Variants in PHYKPL observed in about 807,000 individuals in gnomAD.
The protein encoded by PHYKPL is 5-phosphonooxy-L-lysine phospho-lyase.
Under a neutral mutation model 51.3 loss-of-function variants are expected in PHYKPL, and 42 were observed. The ratio of observed to expected loss-of-function variants is 0.82; its 90% CI spans 0.64 to 1.06. The LOEUF (loss-of-function observed/expected upper bound fraction) is 1.06. PHYKPL is among the 50% of genes least tolerant of loss of function. The pLI is 0.00. For synonymous variants in PHYKPL, 264 were observed against 236.0 expected, an observed-to-expected ratio of 1.12 and a Z score of -1.09; for missense variants, 655 against 586.6, an observed-to-expected ratio of 1.12 and a Z score of -1.20.
At chr5:178,209,420 G>A (rs1433815514) in intron 12 of PHYKPL, 2 of 1,614,208 alleles carry the variant, frequency 1.2e-6, no homozygotes, top group African/African-American at 1.3e-5. Context: ...AGGGAACCGA[G>A]GCAGCGGAGG....
intron 12 of PHYKPL, chr5:178,211,127 T>C (rs1399247383): frequency 6.4e-6 from 1 of 157,092 alleles, no homozygotes; most frequent in Non-Finnish European, 1.4e-5. Context: ...ATATTGAAGC[T>C]ATCCAAGCTT....
intron 8 of PHYKPL, chr5:178,215,692 AGAG>A (rs1198889680): frequency 1.1e-5 from 5 of 470,084 alleles, no homozygotes; most frequent in South Asian, 3.1e-5. Flanking sequence ...ATACAGAATC[AGAG>A]GAGAGGGTGT....
At chr5:178,214,349 C>T (rs542562406) in intron 10 of PHYKPL, among the ~76,000 whole-genome samples, 30 of 152,274 alleles carry the variant, frequency 2.0e-4, no homozygotes, top group African/African-American at 7.2e-4. Flanking sequence ...AGCTTAGGAG[C>T]AGGAGTCTTG....
At chr5:178,228,342 A>G in intron 3 of PHYKPL, 2 of 575,358 alleles carry the variant, frequency 3.5e-6, no homozygotes, top group South Asian at 4.4e-5. Flanking sequence ...ATGACAGACC[A>G]CTTCCGGAGA....
At chr5:178,217,181 A>G (rs530868955) in intron 8 of PHYKPL, among the ~76,000 whole-genome samples, 7 of 152,328 alleles carry the variant, frequency 4.6e-5, no homozygotes, top group Non-Finnish European at 1.0e-4. Flanking sequence ...TGAAGTTGAT[A>G]AGCACAATAA....
chr5:178,214,946 C>T, intron 9 of PHYKPL, 61 bp from the exon 10 acceptor site: 3 of 1,518,604 alleles, frequency 2.0e-6, no homozygotes, highest in South Asian at 1.1e-5. Flanking sequence ...GTGCTGGCCT[C>T]AGCCTCTGGG....
Position 178,232,687 on chromosome 5 carries a change from C to T in PHYKPL, c.-137G>A. 3 of 975,562 alleles carry T rather than the reference C, an allele frequency of 3.1e-6. No individual in the cohort carries two copies. Among genetic ancestry groups the T allele is most frequent in the Non-Finnish European group, 4.0e-6 (3 of 758,768 alleles). The allele number at this position is 975,562 out of a possible 1,614,324, so 60.4% of individuals were successfully genotyped here. ...CTCAGGTTCGCACTCGGCCCCGCCCCGAAGCGCCCGCGTTGCGGTGGTTCA... is the reference window on the plus strand; with the variant it reads ...CTCAGGTTCGCACTCGGCCCCGCCCTGAAGCGCCCGCGTTGCGGTGGTTCA... On this transcript the variant is annotated 5_prime_UTR_variant, in exon 1 of 13. Transcript: ENST00000308158.
chr5:178,219,525 C>G (rs1413116537), intron 8 of PHYKPL, among the ~76,000 whole-genome samples: 3 of 151,640 alleles, frequency 2.0e-5, no homozygotes, highest in Non-Finnish European at 4.4e-5. Flanking sequence ...TCTCGGCTCA[C>G]TGCAAGCTCC....
rs1041555458 is a variant in PHYKPL at position 178,232,619 on chromosome 5, G to C, written c.-69C>G. ...TCGCCGCGCGGGCTGGGCCTCCAAG[G>C]CCCCGCTCCGGGCCCCGCCCCTGCC... On this transcript the variant is annotated 5_prime_UTR_variant, in exon 1 of 13. Coordinates refer to ENST00000308158, the MANE Select transcript of PHYKPL (RefSeq NM_153373.4). 2.4e-6 allele frequency: 3 copies of C among 1,239,984 alleles called. No individual in the cohort carries two copies. Among genetic ancestry groups the C allele is most frequent in the Non-Finnish European group, 3.0e-6 (3 of 992,088 alleles). 76.8% of individuals were successfully genotyped at this position (1,239,984 alleles called of 1,614,324 possible). A position where few individuals can be genotyped will look rare whatever the true frequency, so the allele number is the denominator to read the frequency against.
intron 9 of PHYKPL, 73 bp from the exon 10 acceptor site, chr5:178,214,958 T>C: frequency 7.1e-7 from 1 of 1,416,302 alleles, no homozygotes; most frequent in Non-Finnish European, 9.8e-7. Flanking sequence ...GCCTCTGGGC[T>C]CCTACCTGTG....
At chr5:178,231,690 T>TG in intron 1 of PHYKPL, 167 bp from the exon 2 acceptor site, 1 of 1,563,884 alleles carries the variant, frequency 6.4e-7, no homozygotes, top group Non-Finnish European at 8.7e-7. Flanking sequence ...ACTCCACAGG[T>TG]GGTTGCAAAG....
In PHYKPL at chr5:178,208,820, CCCCCCA is replaced by C. The variant is rs1757280539; in HGVS notation, c.*121_*126del. On this transcript the variant is annotated 3_prime_UTR_variant, in exon 13 of 13. Coordinates refer to ENST00000308158, the MANE Select transcript of PHYKPL (RefSeq NM_153373.4). ...GGTAGCATTATGGCCTCGGGCAGGC[CCCCCCA>C]CCCTGAGCCTCTGAAAGCTGACTTT... The C allele has an allele frequency of 6.5e-6, 1 of 153,054 alleles. No homozygotes were observed. Among genetic ancestry groups the C allele is most frequent in the South Asian group, 2.0e-4 (1 of 4,882 alleles). 9.5% of individuals were successfully genotyped at this position (153,054 alleles called of 1,614,324 possible).
Position 178,222,856 on chromosome 5 carries a change from C to T in PHYKPL, c.697G>A (p.Ala233Thr). 1 of 1,614,158 alleles carries T rather than the reference C, an allele frequency of 6.2e-7. No individual in the cohort carries two copies. Among genetic ancestry groups the T allele is most frequent in the Non-Finnish European group, 8.5e-7 (1 of 1,180,012 alleles). ...AGACCCCGCCCACCTACTCACTCTG[C>T]CACTTGGGAGAAGTAGCCAGCAGGG... Reference protein sequence around the residue: ...IPPAGYFSQVAEHIRKAGGVF... With the variant: ...IPPAGYFSQVTEHIRKAGGVF... Residue 233 changes from alanine (A) to threonine (T), a missense_variant, in exon 7 of 13, where the codon GCA becomes ACA. By Grantham distance (58) the Ala-to-Thr change is moderately conservative. Coordinates refer to ENST00000308158, the MANE Select transcript of PHYKPL (RefSeq NM_153373.4).
intron 8 of PHYKPL, among the ~76,000 whole-genome samples, chr5:178,218,216 CAAAAAAA>C (rs777929826): frequency 1.9e-4 from 11 of 58,282 alleles, no homozygotes; most frequent in Admixed American, 4.5e-4. Flanking sequence ...AACTCCGTCT[CAAAAAAA>C]AAAAAAAAAA....
chr5:178,210,362 G>C, intron 12 of PHYKPL: 2 of 1,597,398 alleles, frequency 1.3e-6, no homozygotes, highest in Non-Finnish European at 8.5e-7. Context: ...CAGGGGCTTT[G>C]GAGTCAGACA....
At chr5:178,219,899 G>A (rs540219401) in intron 8 of PHYKPL, among the ~76,000 whole-genome samples, 4 of 152,056 alleles carry the variant, frequency 2.6e-5, no homozygotes, top group African/African-American at 9.6e-5. Context: ...AAAAGGCACT[G>A]AAGAAGATAT....
At chr5:178,230,359 C>CTT (rs34227825) in intron 2 of PHYKPL, 238 of 318,790 alleles carry the variant, frequency 7.5e-4, no homozygotes, top group East Asian at 1.7e-3. Context: ...TTAAGGAGGA[C>CTT]TTTTTTTTTT....
intron 7 of PHYKPL, 61 bp downstream of exon 7, chr5:178,222,791 A>G (rs1761441795): frequency 6.4e-7 from 1 of 1,569,008 alleles, no homozygotes; most frequent in South Asian, 1.1e-5. Flanking sequence ...TTTGGACCAG[A>G]GGTTGGAAAA....
chr5:178,211,727 G>A (rs1235111838), intron 12 of PHYKPL, 163 bp downstream of exon 12: 1 of 603,972 alleles, frequency 1.7e-6, no homozygotes, highest in Non-Finnish European at 2.9e-6. Context: ...TGCAAGCTAA[G>A]CATTGGAGAA....
Sources: allele counts gnomAD v4.1 joint callset (sites outside exome capture counted in the v4.1 genomes callset), GRCh38; gene constraint gnomAD v4.1.1; transcripts MANE v1.5; gene names NCBI Gene and HGNC (gene_info 2026-07-23, HGNC 2026-07-21).